The following KLF11 variants were observed in gnomAD, a reference collection of about 807,000 sequenced individuals.
KLF11 encodes Krueppel-like factor 11.
A neutral mutation model predicts 29.9 loss-of-function variants in KLF11; 26 were observed. The ratio of observed to expected loss-of-function variants is 0.87; its 90% CI spans 0.64 to 1.21. KLF11 has a LOEUF of 1.21. Ranked by LOEUF, KLF11 falls within the 50% of genes most tolerant of loss-of-function variation. The pLI, the probability that KLF11 is intolerant of heterozygous loss-of-function variation, is 0.00. For missense variants in KLF11, 778 were observed against 665.7 expected, an observed-to-expected ratio of 1.17 and a Z score of -1.86; for synonymous variants, 318 against 257.4, an observed-to-expected ratio of 1.24 and a Z score of -2.25.
At position 10,052,693 on chromosome 2, in the gene KLF11, C is replaced by T. The variant is rs1661444925; in HGVS notation, c.*186C>T. ...TTCCACTTGGGACCCTGTTCAGTAT[C>T]TTTTGTAGTTTCAGAAGTTTTTTTG... On this transcript the variant is annotated 3_prime_UTR_variant, in exon 4 of 4. Coordinates refer to ENST00000305883, the MANE Select transcript of KLF11 (RefSeq NM_003597.5). The T allele has an allele frequency of 4.6e-5, 24 of 518,602 alleles. No individual in the cohort carries two copies. Among genetic ancestry groups the T allele is most frequent in the East Asian group, 1.9e-4 (6 of 32,006 alleles). 32.1% of individuals were successfully genotyped at this position (518,602 alleles called of 1,614,324 possible).
Position 10,048,064 on chromosome 2 carries a change from C to G in KLF11, c.727C>G (p.Leu243Val), listed in dbSNP as rs757134386. The G allele has an allele frequency of 1.7e-5, 27 of 1,614,094 alleles. No homozygotes were observed. The Admixed American group carries it at 4.5e-4, about 27-fold the overall frequency. The change falls in exon 3 of 4, where the codon CTC (leucine) becomes GTC (valine). Residue 243 changes from leucine (L) to valine (V), a missense_variant. Leu to Val is a conservative substitution (Grantham distance 32). Transcript: ENST00000305883. ...PCLHKSGGLL[L>V]TDKGQQAGWP... ...CTTGCACAAGTCTGGTGGCCTGCTG[C>G]TCACTGACAAAGGCCAGCAGGCAGG... is the stretch of plus-strand genomic sequence containing the variant.
At chr2:10,049,554 C>T (rs1251761716) in intron 3 of KLF11, among the ~76,000 whole-genome samples, 1 of 152,246 alleles carries the variant, frequency 6.6e-6, no homozygotes, top group Non-Finnish European at 1.5e-5. Flanking sequence ...GTACTCACCT[C>T]TGCCCATTCA....
chr2:10,052,182 CTTAG>C (rs1476148896), intron 3 of KLF11, 41 bp from the exon 4 acceptor site: 12 of 1,585,704 alleles, frequency 7.6e-6, no homozygotes, highest in Non-Finnish European at 1.0e-5. Context: ...GAATAAGGTG[CTTAG>C]CGTTTCCTTT....
rs757875185 is a variant in KLF11 at position 10,052,364 on chromosome 2, A to G, written c.1396A>G (p.Ser466Gly). 5 of 1,614,104 alleles carry G rather than the reference A, an allele frequency of 3.1e-6. No homozygotes were observed. The highest frequency in any genetic ancestry group is 4.2e-6 in the Non-Finnish European group (5 of 1,180,024). The stretch of plus-strand genomic sequence containing the variant: ...GGTGTGTGACCGACGTTTCATGCGC[A>G]GTGACCACCTGACGAAGCATGCCCG... ...CPVCDRRFMR[S>G]DHLTKHARRH... The change falls in exon 4 of 4, where the codon AGT (serine) becomes GGT (glycine). Residue 466 changes from serine to glycine, a missense_variant. Ser to Gly is a moderately conservative substitution (Grantham distance 56, BLOSUM62 0). Coordinates refer to ENST00000305883, the MANE Select transcript of KLF11 (RefSeq NM_003597.5).
At chr2:10,051,214 A>G (rs1256625548) in intron 3 of KLF11, among the ~76,000 whole-genome samples, 2 of 128,542 alleles carry the variant, frequency 1.6e-5, no homozygotes, top group African/African-American at 6.0e-5. Context: ...GGCCGGTGCT[A>G]CTTTTTTTTT....
In KLF11 at chr2:10,054,132, T is replaced by C. The variant is rs188355532; in HGVS notation, c.*1625T>C. 2 of 152,312 alleles carry C rather than the reference T, an allele frequency of 1.3e-5. No individual in the cohort carries two copies. The highest frequency in any genetic ancestry group is 1.3e-4 in the Admixed American group (2 of 15,302). 9.4% of individuals were successfully genotyped at this position (152,312 alleles called of 1,614,324 possible). ...GTGTGTGTTATTCAGAGGTTTTCAGTCTGGACACTCCATAGGTGAGTGTCG... is the reference window on the plus strand; with the variant it reads ...GTGTGTGTTATTCAGAGGTTTTCAGCCTGGACACTCCATAGGTGAGTGTCG... On this transcript the variant is annotated 3_prime_UTR_variant, in exon 4 of 4. Coordinates refer to ENST00000305883, the MANE Select transcript of KLF11 (RefSeq NM_003597.5).
chr2:10,049,875 G>A (rs564275847), intron 3 of KLF11, among the ~76,000 whole-genome samples: 1 of 152,286 alleles, frequency 6.6e-6, no homozygotes, highest in South Asian at 2.1e-4. Flanking sequence ...GTCAGGGAAC[G>A]GGTGTTTCTG....
At position 10,053,149 on chromosome 2, in the gene KLF11, A is replaced by C. The variant is rs1433750419; in HGVS notation, c.*642A>C. On this transcript the variant is annotated 3_prime_UTR_variant, in exon 4 of 4. Coordinates refer to ENST00000305883, the MANE Select transcript of KLF11 (RefSeq NM_003597.5). ...TAACGTTTTCAAGGAAATTCTAGGCAATCATTCCTGTCACCAAAGAACTAA... is the reference window on the plus strand; with the variant it reads ...TAACGTTTTCAAGGAAATTCTAGGCCATCATTCCTGTCACCAAAGAACTAA... The C allele has an allele frequency of 3.1e-6, 1 of 321,808 alleles. No homozygotes were observed. Among genetic ancestry groups the C allele is most frequent in the African/African-American group, 2.6e-5 (1 of 38,372 alleles). The allele number at this position is 321,808 out of a possible 1,614,324, so 19.9% of individuals were successfully genotyped here.
At chr2:10,051,017 C>T (rs1201647192) in intron 3 of KLF11, among the ~76,000 whole-genome samples, 2 of 144,328 alleles carry the variant, frequency 1.4e-5, no homozygotes, top group East Asian at 4.4e-4. Context: ...TTCTCCTCTC[C>T]TGCCTCAGCC....
At position 10,048,099 on chromosome 2, in the gene KLF11, T is replaced by A. The variant is rs372404632; in HGVS notation, c.762T>A (p.Gly254=). ...AAGGCCAGCAGGCAGGGTGGCCTGGTGCAGTTCAGACTTGCTCACCAAAGA... is the reference window on the plus strand; with the variant it reads ...AAGGCCAGCAGGCAGGGTGGCCTGGAGCAGTTCAGACTTGCTCACCAAAGA... ...TDKGQQAGWP[G]AVQTCSPKNY... Residue 254 remains glycine, a synonymous_variant, in exon 3 of 4, where the codon GGT becomes GGA. Transcript: ENST00000305883. The A allele has an allele frequency of 6.2e-7, 1 of 1,614,098 alleles. No homozygotes were observed. Among genetic ancestry groups the A allele is most frequent in the Non-Finnish European group, 8.5e-7 (1 of 1,180,038 alleles).
chr2:10,043,695 T>G lies in KLF11; in HGVS notation c.-22T>G. ...GAGCTCACGCCCCGCGGCCGCTTTG[T>G]TGCTCCCGGCCGGCCTGCACGATGC... is the stretch of plus-strand genomic sequence containing the variant. On this transcript the variant is annotated 5_prime_UTR_variant, in exon 1 of 4. Coordinates refer to ENST00000305883, the MANE Select transcript of KLF11 (RefSeq NM_003597.5). 9 of 1,312,684 alleles carry G rather than the reference T, an allele frequency of 6.9e-6. No individual in the cohort carries two copies. Among genetic ancestry groups the G allele is most frequent in the Non-Finnish European group, 8.9e-6 (9 of 1,012,546 alleles). The allele number at this position is 1,312,684 out of a possible 1,614,324, so 81.3% of individuals were successfully genotyped here.
In KLF11 at chr2:10,048,289, C is replaced by T. The variant is rs377198797; in HGVS notation, c.952C>T (p.Leu318=). 4.4e-6 allele frequency: 7 copies of T among 1,601,500 alleles called. No individual in the cohort carries two copies. Among genetic ancestry groups the T allele is most frequent in the Non-Finnish European group, 6.0e-6 (7 of 1,172,440 alleles). ...GTCTGTGGGGACTGTGAGACCCATC[C>T]TAGCTCAGGCTGCTCCAGCGCCTCA... ...QLSVGTVRPI[L]AQAAPAPQPV... The change falls in exon 3 of 4, where the codon CTA becomes TTA. Residue 318 remains leucine, a synonymous_variant. Coordinates refer to ENST00000305883, the MANE Select transcript of KLF11 (RefSeq NM_003597.5).
rs1661468425 is a variant in KLF11, at chr2:10,053,456, A to G, written c.*949A>G. On this transcript the variant is annotated 3_prime_UTR_variant, in exon 4 of 4. Transcript: ENST00000305883. ...ATCCGTACTATATTGTGGGTAGAGT[A>G]ACTTCTCAGAAAAAAAGGAAATGTC... is the stretch of plus-strand genomic sequence containing the variant. 5.0e-6 allele frequency: 2 copies of G among 398,582 alleles called. No individual in the cohort carries two copies. The highest frequency in any genetic ancestry group is 4.4e-5 in the Admixed American group (1 of 22,724). The allele number at this position is 398,582 out of a possible 1,614,324, so 24.7% of individuals were successfully genotyped here. A position where few individuals can be genotyped will look rare whatever the true frequency, so the allele number is the denominator to read the frequency against.
At chr2:10,050,892 C>CTTAT (rs1661382449) in intron 3 of KLF11, among the ~76,000 whole-genome samples, 3 of 54,824 alleles carry the variant, frequency 5.5e-5, no homozygotes, top group Non-Finnish European at 9.4e-5. Context: ...TAGATGCTAC[C>CTTAT]TTTTTTTTTT....
chr2:10,046,867 A>G (rs1170738357), intron 2 of KLF11, among the ~76,000 whole-genome samples: 1 of 152,210 alleles, frequency 6.6e-6, no homozygotes, highest in African/African-American at 2.4e-5. Context: ...AAAAAAAAAT[A>G]AAAGAACAAA....
chr2:10,050,892 C>CCTT (rs1661382316), intron 3 of KLF11, among the ~76,000 whole-genome samples: 1 of 54,824 alleles, frequency 1.8e-5, no homozygotes, highest in Non-Finnish European at 3.1e-5. Context: ...TAGATGCTAC[C>CCTT]TTTTTTTTTT....
chr2:10,047,583 C>G (rs1661248344), intron 2 of KLF11, 67 bp from the exon 3 acceptor site: 1 of 1,273,710 alleles, frequency 7.9e-7, no homozygotes, highest in East Asian at 2.3e-5. Context: ...GTATTGGGAG[C>G]ATTGTGATGA....
At position 10,048,181 on chromosome 2, in the gene KLF11, GCTC is replaced by G. The variant is rs1661281384; in HGVS notation, c.846_848del (p.Pro284del). 1 of 1,614,084 alleles carries G rather than the reference GCTC, an allele frequency of 6.2e-7. No individual in the cohort carries two copies. Among genetic ancestry groups the G allele is most frequent in the African/African-American group, 1.3e-5 (1 of 74,930 alleles). ...CCCTCTGATTTCTGTCTCTGTCCCT[GCTC>G]CCCCTGTCCTTTGCCAGATGATCCC... On this transcript the variant is annotated inframe_deletion, in exon 3 of 4. Coordinates refer to ENST00000305883, the MANE Select transcript of KLF11 (RefSeq NM_003597.5).
intron 3 of KLF11, 66 bp downstream of exon 3, chr2:10,048,661 C>A: frequency 8.0e-7 from 1 of 1,251,172 alleles, no homozygotes; most frequent in African/African-American, 1.5e-5. Context: ...ACACCTTGAG[C>A]CGCCTTTGGC....
Sources: allele counts gnomAD v4.1 joint callset (sites outside exome capture counted in the v4.1 genomes callset), GRCh38; gene constraint gnomAD v4.1.1; transcripts MANE v1.5; gene names NCBI Gene and HGNC (gene_info 2026-07-23, HGNC 2026-07-21).